Variants in CARM1 observed in about 807,000 individuals in gnomAD.
CARM1 encodes histone-arginine methyltransferase CARM1.
A neutral mutation model predicts 72.7 loss-of-function variants in CARM1; 14 were observed. The observed-to-expected ratio is 0.19, with a 90% CI of 0.13 to 0.30. The LOEUF is 0.30. Ranked by LOEUF, CARM1 falls within the 10% of genes least tolerant of loss-of-function variation. The pLI is 1.00. For missense variants in CARM1, 432 were observed against 833.7 expected (o/e 0.52, Z 5.93); for synonymous variants, 333 against 345.5 (o/e 0.96, Z 0.40).
At chr19:10,898,279 T>C (rs1450771057) in intron 1 of CARM1, among the ~76,000 whole-genome samples, 1 of 151,894 alleles carries the variant, frequency 6.6e-6, no homozygotes, top group Non-Finnish European at 1.5e-5. Context: ...TGCACTCCAG[T>C]CTAGGCGACA....
chr19:10,903,115 C>T (rs562939363), intron 1 of CARM1, among the ~76,000 whole-genome samples: 6 of 152,250 alleles, frequency 3.9e-5, no homozygotes, highest in African/African-American at 1.4e-4. Context: ...TTGTTGAAGA[C>T]ACTATTCTTT....
intron 1 of CARM1, among the ~76,000 whole-genome samples, chr19:10,882,876 G>A (rs141349448): frequency 2.6e-5 from 4 of 152,262 alleles, no homozygotes; most frequent in East Asian, 3.9e-4. Flanking sequence ...GGCAGACAGA[G>A]AACCCCATCT....
intron 1 of CARM1, among the ~76,000 whole-genome samples, chr19:10,873,112 G>T (rs2073833020): frequency 6.6e-6 from 1 of 152,064 alleles, no homozygotes; most frequent in Admixed American, 6.6e-5. Flanking sequence ...TTCAGCGGGG[G>T]TTTCAGAGTT....
intron 8 of CARM1, among the ~76,000 whole-genome samples, chr19:10,917,752 C>T (rs2074209944): frequency 3.0e-5 from 4 of 133,590 alleles, no homozygotes; most frequent in Admixed American, 8.4e-5. Flanking sequence ...GAGTCTTGCT[C>T]TGTTGCCCAG....
Position 10,920,930 on chromosome 19 carries a change from C to T in CARM1, c.1521C>T (p.Ser507=), listed in dbSNP as rs199634229. 6.2e-4 allele frequency: 995 copies of T among 1,614,212 alleles called. 1 individual carries two copies. The highest frequency in any genetic ancestry group is 7.9e-4 in the Non-Finnish European group (938 of 1,179,996). ...WNTGSTYNLS[S]GMAVAGMPTA... is the part of the protein sequence containing the mutation. The stretch of plus-strand genomic sequence containing the variant: ...CGGGCAGCACCTACAACCTCAGCAG[C>T]GGGATGGCCGTGGCAGGTGAGCAGG... The change falls in exon 13 of 16, where the codon AGC becomes AGT. Residue 507 remains serine (S), a synonymous_variant. Coordinates refer to ENST00000327064, the MANE Select transcript of CARM1 (RefSeq NM_199141.2). This position sits in a 1 kb window ranked among gnomAD's most constrained non-coding sequence, Gnocchi z 5.3.
intron 1 of CARM1, among the ~76,000 whole-genome samples, chr19:10,879,816 T>C (rs1167605869): frequency 6.6e-6 from 1 of 152,126 alleles, no homozygotes; most frequent in African/African-American, 2.4e-5. Context: ...GGTCTCACCC[T>C]TTTGGCCAGG....
In CARM1 at chr19:10,871,748, G is replaced by T; in HGVS notation, c.46G>T (p.Gly16Trp). The T allele has an allele frequency of 2.8e-6, 3 of 1,072,120 alleles. No homozygotes were observed. The highest frequency in any genetic ancestry group is 3.4e-6 in the Non-Finnish European group (3 of 886,026). The allele number at this position is 1,072,120 out of a possible 1,614,324, so 66.4% of individuals were successfully genotyped here. A position where few individuals can be genotyped will look rare whatever the true frequency, so the allele number is the denominator to read the frequency against. Reference sequence around the variant, plus strand: ...GGTGGGGCCGGGCGCGGGCGGCGCGGGGTCGGCGGTCCCGGGCGGCGCGGG... The same window carrying T: ...GGTGGGGCCGGGCGCGGGCGGCGCGTGGTCGGCGGTCCCGGGCGGCGCGGG... ...AAVGPGAGGA[G>W]SAVPGGAGPC... The change falls in exon 1 of 16, where the codon GGG becomes TGG. Residue 16 changes from glycine to tryptophan, a missense_variant. Gly to Trp is a radical substitution (Grantham distance 184). This residue lies in a region of CARM1 where 138 missense variants were observed against 192.3 expected (regional missense o/e 0.72). Transcript: ENST00000327064. This position sits in a 1 kb window ranked among gnomAD's most constrained non-coding sequence, Gnocchi z 5.6.
intron 1 of CARM1, among the ~76,000 whole-genome samples, chr19:10,876,322 G>A (rs374260201): frequency 1.3e-5 from 2 of 152,200 alleles, no homozygotes; most frequent in South Asian, 2.1e-4. Flanking sequence ...CACTGCGCCC[G>A]GCCAATAAAT....
chr19:10,893,314 G>A (rs1358191703), intron 1 of CARM1, among the ~76,000 whole-genome samples: 5 of 152,116 alleles, frequency 3.3e-5, no homozygotes, highest in African/African-American at 1.2e-4. Flanking sequence ...TGGGATTACA[G>A]GCGTGAGCCA....
intron 1 of CARM1, among the ~76,000 whole-genome samples, chr19:10,873,562 C>T (rs1448306875): frequency 3.5e-5 from 5 of 142,974 alleles, no homozygotes; most frequent in Admixed American, 2.2e-4. Flanking sequence ...GCACTCCAGC[C>T]GGGGAGACAG....
At chr19:10,899,033 G>GTTTTTTTTTT (rs34563725) in intron 1 of CARM1, among the ~76,000 whole-genome samples, 1 of 117,460 alleles carries the variant, frequency 8.5e-6, no homozygotes, top group Non-Finnish European at 1.8e-5. Flanking sequence ...GGCTTAGCTT[G>GTTTTTTTTTT]TTTTTTTTTT....
chr19:10,920,676 G>A lies in CARM1; in HGVS notation c.1352G>A (p.Ser451Asn). 6.2e-7 allele frequency: 1 copy of A among 1,614,172 alleles called. No individual in the cohort carries two copies. Among genetic ancestry groups the A allele is most frequent in the Non-Finnish European group, 8.5e-7 (1 of 1,180,014 alleles). The change falls in exon 12 of 16, where the codon AGT (serine) becomes AAT (asparagine). Residue 451 changes from serine to asparagine, a missense_variant. Physicochemically the swap from Ser to Asn is conservative, Grantham distance 46. Around this residue, in one of 3 missense-constraint regions of CARM1, gnomAD observed 152 missense variants for 452.8 expected, o/e 0.34. Transcript: ENST00000327064. This position sits in a 1 kb window ranked among gnomAD's most constrained non-coding sequence, Gnocchi z 5.3. ...GTCCGCAGACAGAGCTACGACATCA[G>A]TATTGTGGCCCAGGTGGACCAGACC... ...IANKRQSYDI[S>N]IVAQVDQTGS... is the part of the protein sequence containing the mutation.
intron 2 of CARM1, among the ~76,000 whole-genome samples, chr19:10,905,942 C>CTTTT (rs35328638): frequency 6.8e-5 from 7 of 103,434 alleles, no homozygotes; most frequent in African/African-American, 1.6e-4. Flanking sequence ...TGCCCGGCCC[C>CTTTT]TTTTTTTTTT....
At chr19:10,913,626 T>G (rs1019291748) in intron 5 of CARM1, among the ~76,000 whole-genome samples, 2 of 151,958 alleles carry the variant, frequency 1.3e-5, no homozygotes, top group African/African-American at 4.8e-5. Flanking sequence ...TCCCAACTTA[T>G]GAGGTCAAGC....
intron 1 of CARM1, among the ~76,000 whole-genome samples, chr19:10,880,775 T>C (rs1037409916): frequency 6.6e-6 from 1 of 152,210 alleles, no homozygotes; most frequent in African/African-American, 2.4e-5. Context: ...GCTGTGACTG[T>C]GGATGAGCCT....
rs184617795 is a variant in CARM1, at chr19:10,895,853, C to T, written c.221-9098C>T. On this transcript the variant is annotated intron_variant, in intron 1 of 15. Coordinates refer to ENST00000327064, the MANE Select transcript of CARM1 (RefSeq NM_199141.2). ...AGCTGCCAGGCAGTGAGGGCTTGTC[C>T]GGGAAATGCTGGAGGACCTCTAGGA... 1.1e-4 allele frequency among the ~76,000 whole-genome samples: 16 copies of T among 152,170 alleles called. 1 individual carries two copies. Among genetic ancestry groups the T allele is most frequent in the African/African-American group, 3.9e-4 (16 of 41,526 alleles).
rs1194626251 is a variant in CARM1 at position 10,876,037 on chromosome 19, G to A, written c.220+4115G>A. Among the ~76,000 whole-genome samples the A allele has an allele frequency of 2.0e-5, 3 of 151,742 alleles. No individual in the cohort carries two copies. The East Asian group carries it at 5.8e-4, about 29-fold the overall frequency. On this transcript the variant is annotated intron_variant, in intron 1 of 15. Coordinates refer to ENST00000327064, the MANE Select transcript of CARM1 (RefSeq NM_199141.2). ...ATTAGAGGCATGTGCCACCATGCCC[G>A]GTTAATTTTTTTTGTATTTTTAGTA...
At chr19:10,900,767 T>C (rs1367684725) in intron 1 of CARM1, among the ~76,000 whole-genome samples, 1 of 152,038 alleles carries the variant, frequency 6.6e-6, no homozygotes, top group Non-Finnish European at 1.5e-5. Flanking sequence ...CACCGCAAGC[T>C]CCGCCTCCCA....
At chr19:10,904,641 C>CT (rs1353635209) in intron 1 of CARM1, among the ~76,000 whole-genome samples, 1 of 152,258 alleles carries the variant, frequency 6.6e-6, no homozygotes, top group African/African-American at 2.4e-5. Context: ...AGCTCCAGCT[C>CT]TGAGTTCCTG....
Sources: gnomAD v4.1 joint callset for allele counts (sites outside exome capture counted in the v4.1 genomes callset) on GRCh38, gnomAD v4.1.1 for gene constraint, gnomAD v4.1.1 regional missense constraint, Gnocchi (gnomAD v3.1) non-coding constraint, MANE v1.5 for transcripts, NCBI Gene and HGNC (gene_info 2026-07-23, HGNC 2026-07-21) for gene names.